Variants in GRID2 observed in about 807,000 individuals in gnomAD.
GRID2 encodes the protein glutamate ionotropic receptor delta type subunit 2, also known as glutamate receptor ionotropic, delta-2.
In GRID2, 33 loss-of-function variants were observed where a neutral mutation model predicts 114.8. The ratio of observed to expected loss-of-function variants is 0.29; its 90% CI spans 0.22 to 0.38. GRID2 has a LOEUF of 0.38. Ranked by LOEUF, GRID2 falls within the 10% of genes least tolerant of loss-of-function variation. GRID2 has a pLI of 1.00. For synonymous variants in GRID2, 505 were observed against 449.9 expected (o/e 1.12, Z -1.55); for missense variants, 1,184 against 1,257.7 (o/e 0.94, Z 0.89).
chr4:93,499,594 G>T (rs1309045005), intron 12 of GRID2, among the ~76,000 whole-genome samples: 2 of 151,578 alleles, frequency 1.3e-5, no homozygotes, highest in Non-Finnish European at 2.9e-5. Context: ...CTTCTCTTCC[G>T]GTATCTTCCA....
At chr4:92,731,279 GCAA>G (rs1271283996) in intron 2 of GRID2, among the ~76,000 whole-genome samples, 3 of 150,642 alleles carry the variant, frequency 2.0e-5, no homozygotes, top group Non-Finnish European at 4.4e-5. Context: ...AGCAAGACCA[GCAA>G]CTTTGGGAAA....
chr4:93,122,869 C>T (rs1274183898), intron 4 of GRID2, among the ~76,000 whole-genome samples: 1 of 131,452 alleles, frequency 7.6e-6, no homozygotes, highest in African/African-American at 2.9e-5. Flanking sequence ...AGCTCTGTTA[C>T]TAGTCAATCC....
intron 1 of GRID2, among the ~76,000 whole-genome samples, chr4:92,307,857 A>G (rs1237960422): frequency 6.6e-6 from 1 of 152,216 alleles, no homozygotes; most frequent in Non-Finnish European, 1.5e-5. Context: ...TTTGACATAT[A>G]AAAACTATGC....
intron 1 of GRID2, among the ~76,000 whole-genome samples, chr4:92,499,126 GTTTTC>G (rs1723545593): frequency 6.6e-6 from 1 of 151,766 alleles, no homozygotes; most frequent in Non-Finnish European, 1.5e-5. Context: ...TATACTACCT[GTTTTC>G]TTTACATTTT....
At position 93,224,896 on chromosome 4, in the gene GRID2, A is replaced by T. The variant is rs560690289; in HGVS notation, c.1125+121A>T. 1.2e-4 allele frequency: 78 copies of T among 675,636 alleles called. No individual in the cohort carries two copies. In the East Asian group the frequency reaches 1.3e-3, roughly 11 times the overall value. 41.9% of individuals were successfully genotyped at this position (675,636 alleles called of 1,614,324 possible). On this transcript the variant is annotated intron_variant, in intron 7 of 15. Coordinates refer to ENST00000282020, the MANE Select transcript of GRID2 (RefSeq NM_001510.4). The stretch of plus-strand genomic sequence containing the variant: ...AAGCACAAAACAGTGTAATGGGGAA[A>T]TTAAATATTGAAAAAGAAAAAAGGT...
chr4:92,488,472 G>A (rs904177167), intron 1 of GRID2, among the ~76,000 whole-genome samples: 2 of 152,068 alleles, frequency 1.3e-5, no homozygotes, highest in Non-Finnish European at 2.9e-5. Context: ...CATGAAGGAG[G>A]TAACTGCTGA....
chr4:93,009,472 G>A lies in GRID2; in HGVS notation c.245-75523G>A, dbSNP rs567446667. On this transcript the variant is annotated intron_variant, in intron 2 of 15. Transcript: ENST00000282020. Reference sequence around the variant, plus strand: ...TACAAAGCCAGAACCTGAATGGAACGCAAGGACTCTCTTTGGAGAAAAATC... The same window carrying A: ...TACAAAGCCAGAACCTGAATGGAACACAAGGACTCTCTTTGGAGAAAAATC... Among the ~76,000 whole-genome samples the A allele has an allele frequency of 6.6e-5, 10 of 152,254 alleles. No homozygotes were observed. The East Asian group carries it at 1.5e-3, about 24-fold the overall frequency.
At chr4:93,009,587 TCTC>T (rs1721909560) in intron 2 of GRID2, among the ~76,000 whole-genome samples, 2 of 152,142 alleles carry the variant, frequency 1.3e-5, no homozygotes, top group Non-Finnish European at 2.9e-5. Context: ...TTGAATTAAA[TCTC>T]CTATTTATTC....
chr4:93,600,211 T>A (rs926459082), intron 13 of GRID2, among the ~76,000 whole-genome samples: 1 of 152,086 alleles, frequency 6.6e-6, no homozygotes, highest in African/African-American at 2.4e-5. Flanking sequence ...AACACAAACT[T>A]GATACATTGG....
chr4:92,671,176 A>G (rs1215182692), intron 2 of GRID2, among the ~76,000 whole-genome samples: 1 of 152,070 alleles, frequency 6.6e-6, no homozygotes, highest in African/African-American at 2.4e-5. Flanking sequence ...GGAAGCAAAC[A>G]TGTCTTACCA....
At chr4:93,516,163 G>T in intron 13 of GRID2, among the ~76,000 whole-genome samples, 1 of 152,204 alleles carries the variant, frequency 6.6e-6, no homozygotes. Flanking sequence ...AGGAATGAAC[G>T]TCAGTAATAG....
chr4:93,428,624 G>C (rs1295782439), intron 10 of GRID2, among the ~76,000 whole-genome samples: 1 of 152,086 alleles, frequency 6.6e-6, no homozygotes, highest in East Asian at 1.9e-4. Flanking sequence ...TATTGTACTT[G>C]AATTACAATT....
At chr4:92,789,320 A>G (rs1046529497) in intron 2 of GRID2, among the ~76,000 whole-genome samples, 1 of 151,914 alleles carries the variant, frequency 6.6e-6, no homozygotes, top group South Asian at 2.1e-4. Context: ...TACATACATA[A>G]GGCTTTGATA....
intron 2 of GRID2, among the ~76,000 whole-genome samples, chr4:92,685,789 A>C (rs544270135): frequency 6.6e-6 from 1 of 152,006 alleles, no homozygotes; most frequent in African/African-American, 2.4e-5. Context: ...TACCTGTTCT[A>C]TCATCCTGAT....
chr4:93,598,813 T>A lies in GRID2; in HGVS notation c.2194-27456T>A, dbSNP rs570865708. Reference sequence around the variant, plus strand: ...TCTATGTTTTATTCAGACAAAATAATGCAAATTTGTGCATATCTGTGTGCA... The same window carrying A: ...TCTATGTTTTATTCAGACAAAATAAAGCAAATTTGTGCATATCTGTGTGCA... On this transcript the variant is annotated intron_variant, in intron 13 of 15. Transcript: ENST00000282020. Among the ~76,000 whole-genome samples the A allele has an allele frequency of 1.1e-3, 175 of 152,298 alleles. 1 individual carries two copies. The highest frequency in any genetic ancestry group is 4.1e-3 in the African/African-American group (169 of 41,578).
chr4:93,712,690 A>G (rs1015778063), intron 14 of GRID2, among the ~76,000 whole-genome samples: 2 of 152,204 alleles, frequency 1.3e-5, no homozygotes, highest in African/African-American at 4.8e-5. Context: ...CAACTGATAC[A>G]TAAATAAATT....
chr4:93,007,895 G>T (rs908325957), intron 2 of GRID2, among the ~76,000 whole-genome samples: 1 of 151,708 alleles, frequency 6.6e-6, no homozygotes, highest in Non-Finnish European at 1.5e-5. Flanking sequence ...ACAAAAATTA[G>T]CTGGCCATCA....
At chr4:92,602,443 A>G (rs1729262169) in intron 2 of GRID2, among the ~76,000 whole-genome samples, 1 of 152,120 alleles carries the variant, frequency 6.6e-6, no homozygotes, top group Non-Finnish European at 1.5e-5. Flanking sequence ...ACAGAACTAA[A>G]GACAAAAACC....
intron 2 of GRID2, among the ~76,000 whole-genome samples, chr4:92,922,632 T>A (rs950057423): frequency 3.9e-5 from 6 of 152,120 alleles, no homozygotes; most frequent in Non-Finnish European, 7.4e-5. Context: ...TATGTAATAG[T>A]CCAAAATCTA....
Sources: gnomAD v4.1 joint callset for allele counts (sites outside exome capture counted in the v4.1 genomes callset) on GRCh38, gnomAD v4.1.1 for gene constraint, MANE v1.5 for transcripts, NCBI Gene and HGNC (gene_info 2026-07-23, HGNC 2026-07-21) for gene names.